Variants in CCDC62 observed in about 807,000 individuals in gnomAD.
The protein encoded by CCDC62 is coiled-coil domain containing 62, also known as coiled-coil domain-containing protein 62.
Under a neutral mutation model 80.8 loss-of-function variants are expected in CCDC62, and 72 were observed. The ratio of observed to expected loss-of-function variants is 0.89; its 90% CI spans 0.74 to 1.08. The LOEUF (loss-of-function observed/expected upper bound fraction) is 1.08. CCDC62 is among the 50% of genes least tolerant of loss of function. The pLI is 0.00. For synonymous variants in CCDC62, 286 were observed against 296.5 expected (o/e 0.96, Z 0.36); for missense variants, 704 against 809.4 (o/e 0.87, Z 1.58).
At chr12:122,793,483 G>C (rs1046705883) in intron 6 of CCDC62, among the ~76,000 whole-genome samples, 1 of 151,938 alleles carries the variant, frequency 6.6e-6, no homozygotes, top group Non-Finnish European at 1.5e-5. Context: ...TGAGATACTG[G>C]GGGTAGGTAA....
intron 11 of CCDC62, 63 bp from the exon 12 acceptor site, chr12:122,823,303 T>A (rs2032486898): frequency 2.5e-6 from 3 of 1,201,642 alleles, no homozygotes; most frequent in Admixed American, 3.5e-5. Flanking sequence ...TATTTGTGTT[T>A]AGTCTTCTTA....
In CCDC62 at chr12:122,804,075, G is replaced by A. The variant is rs10466866; in HGVS notation, c.1707-2076G>A. 4.9e-3 allele frequency among the ~76,000 whole-genome samples: 750 copies of A among 152,224 alleles called. 19 individuals are homozygous for A. The highest frequency in any genetic ancestry group is 0.043 in the Admixed American group (653 of 15,280). The stretch of plus-strand genomic sequence containing the variant: ...TTTTCCATAGATTATAAGAACTTGC[G>A]TACCTACTTTATTATCTAACTAAAA... On this transcript the variant is annotated intron_variant, in intron 9 of 12. Transcript: ENST00000253079.
intron 8 of CCDC62, among the ~76,000 whole-genome samples, chr12:122,799,337 A>G (rs1243227993): frequency 3.3e-5 from 5 of 152,168 alleles, no homozygotes; most frequent in African/African-American, 1.2e-4. Flanking sequence ...TCCATCCAGC[A>G]TTCAGTGTTT....
chr12:122,810,793 G>GGAAAAC (rs1389129737), intron 10 of CCDC62, among the ~76,000 whole-genome samples: 1 of 152,082 alleles, frequency 6.6e-6, no homozygotes, highest in Non-Finnish European at 1.5e-5. Flanking sequence ...ATGATAGACT[G>GGAAAAC]GATTAAGAAA....
intron 2 of CCDC62, 103 bp from the exon 3 acceptor site, chr12:122,781,061 T>C (rs982015460): frequency 4.8e-6 from 4 of 840,246 alleles, no homozygotes; most frequent in Non-Finnish European, 7.5e-6. Context: ...GATTGTCTTT[T>C]TAAAAATTCT....
intron 6 of CCDC62, among the ~76,000 whole-genome samples, chr12:122,796,191 C>A (rs2030947317): frequency 6.6e-6 from 1 of 151,094 alleles, no homozygotes; most frequent in Non-Finnish European, 1.5e-5. Flanking sequence ...CACCTGCCCT[C>A]CCCCACCGCC....
intron 7 of CCDC62, 132 bp downstream of exon 7, chr12:122,797,527 T>C (rs1242093670): frequency 6.0e-6 from 3 of 499,352 alleles, no homozygotes; most frequent in African/African-American, 2.0e-5. Context: ...TTGTATATCA[T>C]GTTTATTTAT....
intron 11 of CCDC62, among the ~76,000 whole-genome samples, chr12:122,814,969 C>A (rs2032101490): frequency 6.6e-6 from 1 of 151,732 alleles, no homozygotes; most frequent in Non-Finnish European, 1.5e-5. Flanking sequence ...GTAGCTGGGA[C>A]CACAGGCACG....
Position 122,796,166 on chromosome 12 carries a change from T to C in CCDC62, c.773-1141T>C, listed in dbSNP as rs1170460951. Among the ~76,000 whole-genome samples the C allele has an allele frequency of 2.0e-5, 3 of 152,154 alleles. No homozygotes were observed. The East Asian group carries it at 5.8e-4, about 29-fold the overall frequency. ...GGCAACATTCAAATATACATATATT[T>C]TTTTTTTCTTTGACCACCTGCCCTC... On this transcript the variant is annotated intron_variant, in intron 6 of 12. Transcript: ENST00000253079.
intron 1 of CCDC62, chr12:122,777,179 G>A: frequency 4.1e-6 from 1 of 242,676 alleles, no homozygotes; most frequent in South Asian, 5.6e-5. Flanking sequence ...AGAGAAAAGG[G>A]TTGTTGGCAA....
At chr12:122,825,639 GC>G (rs902192929) in intron 12 of CCDC62, among the ~76,000 whole-genome samples, 2 of 148,012 alleles carry the variant, frequency 1.4e-5, no homozygotes, top group South Asian at 4.3e-4. Flanking sequence ...TAAAGGCGTG[GC>G]CCCCCACGCC....
intron 10 of CCDC62, among the ~76,000 whole-genome samples, chr12:122,808,996 C>T (rs2031745344): frequency 2.6e-5 from 4 of 152,134 alleles, no homozygotes; most frequent in Admixed American, 1.3e-4. Context: ...ACTTTCATTC[C>T]CCTAATGACT....
Position 122,774,726 on chromosome 12 carries a change from G to T in CCDC62, c.36+20G>T. The T allele has an allele frequency of 8.0e-7, 1 of 1,248,758 alleles. No individual in the cohort carries two copies. Among genetic ancestry groups the T allele is most frequent in the Non-Finnish European group, 1.0e-6 (1 of 987,292 alleles). The allele number at this position is 1,248,758 out of a possible 1,614,324, so 77.4% of individuals were successfully genotyped here. A position where few individuals can be genotyped will look rare whatever the true frequency, so the allele number is the denominator to read the frequency against. On this transcript the variant is annotated intron_variant, in intron 1 of 12. Transcript: ENST00000253079. ...CGCCAGGTAAGCAGCGGTTCCGGGC[G>T]CGGCGGGGCGCCGCGGGAACGGTGC...
chr12:122,788,198 G>A (rs2135540139), intron 4 of CCDC62, among the ~76,000 whole-genome samples: 1 of 152,262 alleles, frequency 6.6e-6, no homozygotes, highest in South Asian at 2.1e-4. Context: ...TGTTTGAGTT[G>A]CTTTTCAAGA....
At chr12:122,799,318 G>GTCCA (rs2031153875) in intron 8 of CCDC62, among the ~76,000 whole-genome samples, 1 of 151,824 alleles carries the variant, frequency 6.6e-6, no homozygotes, top group South Asian at 2.1e-4. Context: ...CCATCCATCC[G>GTCCA]TCCATCCATC....
Position 122,801,110 on chromosome 12 carries a change from TAATGCCA to T in CCDC62, c.978-13_978-7del. On this transcript the variant is annotated splice_region_variant and splice_polypyrimidine_tract_variant and intron_variant, in intron 8 of 12. Transcript: ENST00000253079. Reference sequence around the variant, plus strand: ...TATCTTATAACCTCCATTTTTTTTCTAATGCCACCATAGCAGAGACATGTGTTTATCA... The same window carrying T: ...TATCTTATAACCTCCATTTTTTTTCTCCATAGCAGAGACATGTGTTTATCA... 3 of 1,586,342 alleles carry T rather than the reference TAATGCCA, an allele frequency of 1.9e-6. No individual in the cohort carries two copies. The highest frequency in any genetic ancestry group is 3.8e-5 in the Admixed American group (2 of 52,576).
At chr12:122,797,884 T>A (rs1397577723) in intron 7 of CCDC62, among the ~76,000 whole-genome samples, 4 of 152,170 alleles carry the variant, frequency 2.6e-5, no homozygotes, top group African/African-American at 9.7e-5. Flanking sequence ...CTTGTGGTGA[T>A]CAAAGGCTGG....
At chr12:122,774,813 G>A in intron 1 of CCDC62, 107 bp downstream of exon 1, 1 of 880,826 alleles carries the variant, frequency 1.1e-6, no homozygotes, top group Non-Finnish European at 1.5e-6. Flanking sequence ...AAACAGGCCG[G>A]GCGCGGTGGC....
At chr12:122,806,123 TG>T (rs1484095700) in intron 9 of CCDC62, 27 bp from the exon 10 acceptor site, 1 of 1,596,534 alleles carries the variant, frequency 6.3e-7, no homozygotes, top group Non-Finnish European at 8.5e-7. Flanking sequence ...TTAAGATATT[TG>T]TTTTTGTTGG....
Sources: gnomAD v4.1 joint callset for allele counts (sites outside exome capture counted in the v4.1 genomes callset) on GRCh38, gnomAD v4.1.1 for gene constraint, MANE v1.5 for transcripts, NCBI Gene and HGNC (gene_info 2026-07-23, HGNC 2026-07-21) for gene names.